The following CAP2 variants were observed in gnomAD, a reference collection of about 807,000 sequenced individuals.
CAP2 encodes the protein adenylyl cyclase-associated protein 2.
A neutral mutation model predicts 57.7 loss-of-function variants in CAP2; 24 were observed. That is an observed-to-expected ratio of 0.42 (90% CI 0.30 to 0.58). CAP2 has a LOEUF of 0.58. CAP2 is among the 20% of genes least tolerant of loss of function. The pLI, the probability that CAP2 is intolerant of heterozygous loss-of-function variation, is 0.22. For synonymous variants in CAP2, 194 were observed against 207.2 expected (o/e 0.94, Z 0.55); for missense variants, 501 against 590.3 (o/e 0.85, Z 1.57).
intron 3 of CAP2, among the ~76,000 whole-genome samples, chr6:17,445,831 G>A (rs1264265545): frequency 6.6e-6 from 1 of 152,202 alleles, no homozygotes; most frequent in East Asian, 1.9e-4. Context: ...GGGTGGTTGG[G>A]CTCCCATGGA....
intron 7 of CAP2, among the ~76,000 whole-genome samples, chr6:17,530,587 G>A (rs942476454): frequency 1.3e-5 from 2 of 152,154 alleles, no homozygotes; most frequent in African/African-American, 4.8e-5. Flanking sequence ...ATAAAGGAAG[G>A]ATGAGGGAGA....
At chr6:17,525,021 C>T (rs71556115) in intron 7 of CAP2, among the ~76,000 whole-genome samples, 14,402 of 151,528 alleles carry the variant, frequency 0.095, 748 homozygotes, top group East Asian at 0.23. Context: ...CTCAGCCTCC[C>T]GAGTAGCTGG....
intron 4 of CAP2, among the ~76,000 whole-genome samples, chr6:17,492,212 C>A (rs908350324): frequency 6.6e-5 from 10 of 152,136 alleles, no homozygotes; most frequent in Non-Finnish European, 5.9e-5. Flanking sequence ...TTTTTTCTCT[C>A]TATAAATTTC....
At chr6:17,519,296 C>CT (rs1762339470) in intron 7 of CAP2, among the ~76,000 whole-genome samples, 1 of 151,088 alleles carries the variant, frequency 6.6e-6, no homozygotes, top group South Asian at 2.1e-4. Context: ...AAATGCCAAA[C>CT]TTTGAGACCA....
At chr6:17,499,384 G>A (rs1409791172) in intron 4 of CAP2, among the ~76,000 whole-genome samples, 3 of 113,884 alleles carry the variant, frequency 2.6e-5, no homozygotes, top group Admixed American at 1.2e-4. Context: ...GGGTGACAGA[G>A]CAAGACTCCA....
At chr6:17,547,092 GA>G (rs534517148) in intron 11 of CAP2, among the ~76,000 whole-genome samples, 65 of 152,170 alleles carry the variant, frequency 4.3e-4, no homozygotes, top group Non-Finnish European at 6.2e-4. Context: ...TTGCTTCAAA[GA>G]GAATAAAATA....
intron 1 of CAP2, among the ~76,000 whole-genome samples, chr6:17,405,633 T>C (rs1685442513): frequency 6.6e-6 from 1 of 152,140 alleles, no homozygotes; most frequent in South Asian, 2.1e-4. Context: ...ACTACTCTAT[T>C]TGGATCTGTA....
chr6:17,420,620 G>A (rs1302804670), intron 1 of CAP2, among the ~76,000 whole-genome samples: 2 of 152,138 alleles, frequency 1.3e-5, no homozygotes, highest in African/African-American at 2.4e-5. Context: ...GTGAAAATAC[G>A]CTCCCACCAT....
chr6:17,530,633 T>C (rs748221416), intron 7 of CAP2, among the ~76,000 whole-genome samples: 2 of 152,158 alleles, frequency 1.3e-5, no homozygotes, highest in Non-Finnish European at 2.9e-5. Context: ...GCATGTCAGC[T>C]GTTTCATTTT....
chr6:17,415,542 C>CAAAGA (rs1335685553), intron 1 of CAP2, among the ~76,000 whole-genome samples: 7 of 152,132 alleles, frequency 4.6e-5, no homozygotes, highest in African/African-American at 1.7e-4. Flanking sequence ...AGTGGGCAGG[C>CAAAGA]AAAGAAAAGA....
At chr6:17,542,285 C>G (rs1019468561) in intron 9 of CAP2, among the ~76,000 whole-genome samples, 2 of 152,096 alleles carry the variant, frequency 1.3e-5, no homozygotes, top group African/African-American at 4.8e-5. Context: ...GGGATTGATA[C>G]CTCTGTACCC....
intron 3 of CAP2, among the ~76,000 whole-genome samples, chr6:17,449,140 G>C (rs1760339331): frequency 6.6e-6 from 1 of 152,170 alleles, no homozygotes; most frequent in Non-Finnish European, 1.5e-5. Flanking sequence ...AAAATTATAT[G>C]TAGATGAAGT....
intron 4 of CAP2, among the ~76,000 whole-genome samples, chr6:17,478,270 G>A (rs574668136): frequency 4.2e-4 from 62 of 148,900 alleles, no homozygotes; most frequent in African/African-American, 1.3e-3. Context: ...GAGTAGCTGG[G>A]ACCACAGACG....
intron 3 of CAP2, among the ~76,000 whole-genome samples, chr6:17,445,225 G>A (rs977614281): frequency 9.2e-5 from 14 of 152,202 alleles, no homozygotes; most frequent in African/African-American, 3.4e-4. Flanking sequence ...TCCTGCCTCA[G>A]CCTCCTAAGT....
At chr6:17,398,899 T>G (rs762621356) in intron 1 of CAP2, among the ~76,000 whole-genome samples, 15 of 152,202 alleles carry the variant, frequency 9.9e-5, no homozygotes, top group African/African-American at 2.2e-4. Flanking sequence ...ATTATTATTG[T>G]CCATCTCCAG....
chr6:17,487,663 G>A, intron 4 of CAP2, among the ~76,000 whole-genome samples: 1 of 152,156 alleles, frequency 6.6e-6, no homozygotes, highest in Non-Finnish European at 1.5e-5. Context: ...AGAGACGGGG[G>A]TTTCACCATG....
At chr6:17,484,797 T>C (rs927881373) in intron 4 of CAP2, among the ~76,000 whole-genome samples, 2 of 152,170 alleles carry the variant, frequency 1.3e-5, no homozygotes, top group African/African-American at 4.8e-5. Context: ...TTGAGACCAT[T>C]CGGCAGCTGC....
chr6:17,445,165 G>A (rs1760222798), intron 3 of CAP2, among the ~76,000 whole-genome samples: 1 of 152,192 alleles, frequency 6.6e-6, no homozygotes, highest in Non-Finnish European at 1.5e-5. Flanking sequence ...GGAGTGCAGT[G>A]GCACAATCTC....
chr6:17,486,457 T>C lies in CAP2; in HGVS notation c.301-20712T>C, dbSNP rs181389256. ...TGTCTCTACTAAAAATACAAAAAAA[T>C]TAGCCCGGCATGGTGGCGTGCACCT... On this transcript the variant is annotated intron_variant, in intron 4 of 12. Coordinates refer to ENST00000229922, the MANE Select transcript of CAP2 (RefSeq NM_006366.3). Among the ~76,000 whole-genome samples, 400 of 151,812 alleles carry C rather than the reference T, an allele frequency of 2.6e-3. 2 individuals carry two copies. Among genetic ancestry groups the C allele is most frequent in the African/African-American group, 8.7e-3 (360 of 41,416 alleles).
Sources: allele counts gnomAD v4.1 joint callset (sites outside exome capture counted in the v4.1 genomes callset), GRCh38; gene constraint gnomAD v4.1.1; transcripts MANE v1.5; gene names NCBI Gene and HGNC (gene_info 2026-07-23, HGNC 2026-07-21).